FLACC1: variants seen among roughly 807,000 people sequenced by gnomAD.
FLACC1 encodes the protein flagellum-associated coiled-coil domain-containing protein 1.
Under a neutral mutation model 62.8 loss-of-function variants are expected in FLACC1, and 66 were observed. That is an observed-to-expected ratio of 1.05 (90% CI 0.86 to 1.29). The LOEUF is 1.29. Ranked by LOEUF, FLACC1 falls within the 50% of genes most tolerant of loss-of-function variation. FLACC1 has a pLI of 0.00. For synonymous variants in FLACC1, 156 were observed against 161.0 expected, an observed-to-expected ratio of 0.97 and a Z score of 0.24; for missense variants, 452 against 489.1, an observed-to-expected ratio of 0.92 and a Z score of 0.71.
At chr2:201,302,899 C>T (rs1005522392) in intron 11 of FLACC1, among the ~76,000 whole-genome samples, 30 of 152,178 alleles carry the variant, frequency 2.0e-4, no homozygotes, top group Admixed American at 7.2e-4. Context: ...AAAGACACAA[C>T]ATACCAGACT....
chr2:201,359,328 G>A (rs549401152), upstream of FLACC1, among the ~76,000 whole-genome samples: 7 of 152,316 alleles, frequency 4.6e-5, no homozygotes, highest in South Asian at 6.2e-4. Context: ...AAGTGGTGAC[G>A]TCTGTTAGAG....
chr2:201,351,188 G>A (rs1951020294), intron 2 of FLACC1, 104 bp downstream of exon 2: 7 of 1,038,452 alleles, frequency 6.7e-6, no homozygotes, highest in African/African-American at 1.6e-5. Context: ...GGCCCACCTG[G>A]GATTTTCCTG....
chr2:201,344,099 G>C (rs1576471054), intron 6 of FLACC1, 71 bp downstream of exon 6: 4 of 1,387,756 alleles, frequency 2.9e-6, no homozygotes, highest in Non-Finnish European at 4.0e-6. Context: ...ATTTTGCCTG[G>C]CACATAGGTG....
chr2:201,290,401 T>C (rs1949704179), intron 12 of FLACC1, among the ~76,000 whole-genome samples: 1 of 152,090 alleles, frequency 6.6e-6, no homozygotes, highest in Non-Finnish European at 1.5e-5. Context: ...TGGGGTAGTA[T>C]ATGGGAACTC....
At chr2:201,339,059 T>C in intron 7 of FLACC1, among the ~76,000 whole-genome samples, 1 of 152,336 alleles carries the variant, frequency 6.6e-6, no homozygotes, top group East Asian at 1.9e-4. Flanking sequence ...TTTTCTTTGT[T>C]GGGAGACTTT....
chr2:201,299,327 T>C (rs1460765463), intron 11 of FLACC1, 27 bp from the exon 12 acceptor site: 1 of 1,600,546 alleles, frequency 6.2e-7, no homozygotes, highest in African/African-American at 1.3e-5. Context: ...TGGGAAAAGG[T>C]TAGCACTGTG....
At chr2:201,323,026 C>T (rs944235141) in intron 9 of FLACC1, among the ~76,000 whole-genome samples, 1 of 151,824 alleles carries the variant, frequency 6.6e-6, no homozygotes, top group African/African-American at 2.4e-5. Context: ...TAAACTAACC[C>T]AATCAGACAA....
intron 9 of FLACC1, among the ~76,000 whole-genome samples, chr2:201,321,553 G>C (rs1417910135): frequency 6.6e-6 from 1 of 152,178 alleles, no homozygotes; most frequent in Non-Finnish European, 1.5e-5. Context: ...CTTGGTGTGA[G>C]TGCAACTATA....
At chr2:201,311,406 T>C (rs1320329564) in intron 9 of FLACC1, among the ~76,000 whole-genome samples, 2 of 152,098 alleles carry the variant, frequency 1.3e-5, no homozygotes, top group Admixed American at 6.6e-5. Flanking sequence ...TACTTGCAAA[T>C]TGAATCCAGC....
In FLACC1 at chr2:201,326,352, T is replaced by C. The variant is rs1950500683; in HGVS notation, c.675+4118A>G. On this transcript the variant is annotated intron_variant, in intron 9 of 14. Transcript: ENST00000392257. The surrounding 1 kb of genome is among the most constrained non-coding windows in gnomAD (Gnocchi z 4.1). ...AGACAGGAGAAAGAAATAAAGGGCG[T>C]CCAAATTGGAAAAGAAGAAGTCAAA... is the stretch of plus-strand genomic sequence containing the variant. 2.0e-5 allele frequency among the ~76,000 whole-genome samples: 3 copies of C among 152,142 alleles called. No homozygotes were observed.
At chr2:201,320,247 A>G (rs1950379091) in intron 9 of FLACC1, among the ~76,000 whole-genome samples, 1 of 152,252 alleles carries the variant, frequency 6.6e-6, no homozygotes, top group South Asian at 2.1e-4. Flanking sequence ...ACTGGGTTTC[A>G]TGATATAACC....
At chr2:201,332,678 T>C (rs1423092015) in intron 7 of FLACC1, among the ~76,000 whole-genome samples, 3 of 152,196 alleles carry the variant, frequency 2.0e-5, no homozygotes, top group South Asian at 2.1e-4. Flanking sequence ...TCCTGCCTAA[T>C]TGAGATTTTG....
Position 201,313,007 on chromosome 2 carries a change from T to C in FLACC1, c.676-3757A>G, listed in dbSNP as rs1296216998. On this transcript the variant is annotated intron_variant, in intron 9 of 14. Coordinates refer to ENST00000392257, the MANE Select transcript of FLACC1 (RefSeq NM_001127391.3). ...CTGACCTTACCTGGAGCTGAGTCAA[T>C]TTAGAGAACCAAGTGAAATATAGGG... Among the ~76,000 whole-genome samples, 6 of 152,254 alleles carry C rather than the reference T, an allele frequency of 3.9e-5. No homozygotes were observed. In the East Asian group the frequency reaches 1.2e-3, roughly 29 times the overall value.
At chr2:201,309,033 TAGCATGTGGCCCATC>T (rs1950160670) in intron 10 of FLACC1, 103 bp downstream of exon 10, 2 of 788,748 alleles carry the variant, frequency 2.5e-6, no homozygotes, top group East Asian at 4.9e-5. Context: ...TTCAGGTATC[TAGCATGTGGCCCATC>T]ACCCTTGGTA....
At chr2:201,320,621 A>G (rs1950385927) in intron 9 of FLACC1, among the ~76,000 whole-genome samples, 1 of 152,162 alleles carries the variant, frequency 6.6e-6, no homozygotes, top group South Asian at 2.1e-4. Context: ...CTTTTGGAAC[A>G]TCAACCCAGT....
intron 12 of FLACC1, among the ~76,000 whole-genome samples, chr2:201,293,513 A>T (rs1047126152): frequency 6.6e-6 from 1 of 152,238 alleles, no homozygotes; most frequent in South Asian, 2.1e-4. Context: ...TCTGGGACAC[A>T]TTTAAAGCAG....
In FLACC1 at chr2:201,288,558, A is replaced by C; in HGVS notation, c.*97T>G. ...TCAGAGCAACCCAAGAACTAAACTC[A>C]TTATATGCATTTTCTCAAGAAAACC... On this transcript the variant is annotated 3_prime_UTR_variant, in exon 15 of 15. Transcript: ENST00000392257. 6.9e-7 allele frequency: 1 copy of C among 1,455,096 alleles called. No homozygotes were observed. The highest frequency in any genetic ancestry group is 9.3e-7 in the Non-Finnish European group (1 of 1,073,002). 90.1% of individuals were successfully genotyped at this position (1,455,096 alleles called of 1,614,324 possible).
chr2:201,332,790 A>G (rs1950620692), intron 7 of FLACC1, among the ~76,000 whole-genome samples: 1 of 151,860 alleles, frequency 6.6e-6, no homozygotes, highest in East Asian at 1.9e-4. Flanking sequence ...GATCCCACAT[A>G]TAAGTGAGAA....
At position 201,351,412 on chromosome 2, in the gene FLACC1, G is replaced by A; in HGVS notation, c.-8C>T. The A allele has an allele frequency of 4.4e-6, 7 of 1,601,410 alleles. No individual in the cohort carries two copies. Among genetic ancestry groups the A allele is most frequent in the Non-Finnish European group, 6.0e-6 (7 of 1,169,030 alleles). ...GAGAGGGTTGGGGTACATGGCCAAA[G>A]GTCAGGGGGAGTCTTGGCTGCTAGA... On this transcript the variant is annotated 5_prime_UTR_variant, in exon 2 of 15. Transcript: ENST00000392257.
Sources: allele counts gnomAD v4.1 joint callset (sites outside exome capture counted in the v4.1 genomes callset), GRCh38; gene constraint gnomAD v4.1.1; non-coding constraint Gnocchi (gnomAD v3.1); transcripts MANE v1.5; gene names NCBI Gene and HGNC (gene_info 2026-07-23, HGNC 2026-07-21).